CCDC192: variants seen among roughly 807,000 people sequenced by gnomAD.
The protein encoded by CCDC192 is coiled-coil domain containing 192.
chr5:127,746,804 C>T (rs911204160), intron 2 of CCDC192, among the ~76,000 whole-genome samples: 2 of 152,000 alleles, frequency 1.3e-5, no homozygotes, highest in Non-Finnish European at 2.9e-5. Context: ...CTGTTGGTGA[C>T]GTAGCAATAT....
chr5:127,871,102 A>G (rs2127126372), intron 5 of CCDC192, among the ~76,000 whole-genome samples: 1 of 152,346 alleles, frequency 6.6e-6, no homozygotes. Flanking sequence ...GTGAGGAGCA[A>G]GAGGCAGTGC....
intron 6 of CCDC192, among the ~76,000 whole-genome samples, chr5:127,876,797 A>G (rs1752100259): frequency 6.6e-6 from 1 of 152,250 alleles, no homozygotes; most frequent in Admixed American, 6.5e-5. Flanking sequence ...ACCTGACTAC[A>G]TGGTAAAGCT....
chr5:127,910,598 C>T lies in CCDC192; in HGVS notation c.536-30584C>T, dbSNP rs144115388. On this transcript the variant is annotated intron_variant, in intron 6 of 6. Coordinates refer to ENST00000514853, the MANE Select transcript of CCDC192 (RefSeq NM_001317938.2). ...TCAGAACTGAACAAATATGTAGAAG[C>T]GTAAATAACTGAATGTAGCACAATT... Among the ~76,000 whole-genome samples the T allele has an allele frequency of 7.9e-4, 121 of 152,274 alleles. 1 individual carries two copies. The highest frequency in any genetic ancestry group is 2.9e-3 in the African/African-American group (119 of 41,562).
intron 4 of CCDC192, among the ~76,000 whole-genome samples, chr5:127,797,753 A>ATG (rs1182505135): frequency 8.1e-5 from 2 of 24,584 alleles, no homozygotes; most frequent in South Asian, 4.2e-3. Flanking sequence ...ATATATATAT[A>ATG]TATATATATA....
chr5:127,851,945 G>A (rs779294516), intron 5 of CCDC192, among the ~76,000 whole-genome samples: 1 of 152,184 alleles, frequency 6.6e-6, no homozygotes, highest in Non-Finnish European at 1.5e-5. Flanking sequence ...GGTTGTAGGT[G>A]TTCTGTGATA....
intron 2 of CCDC192, among the ~76,000 whole-genome samples, chr5:127,721,406 T>G (rs926390584): frequency 6.6e-6 from 1 of 152,194 alleles, no homozygotes; most frequent in African/African-American, 2.4e-5. Flanking sequence ...CTTACTCCAG[T>G]TCTCAATAAG....
At chr5:127,860,004 G>A (rs531780422) in intron 5 of CCDC192, among the ~76,000 whole-genome samples, 5 of 151,896 alleles carry the variant, frequency 3.3e-5, no homozygotes, top group African/African-American at 1.2e-4. Flanking sequence ...CTTCCTCCTT[G>A]TACCCCTTTC....
chr5:127,728,211 A>G lies in CCDC192; in HGVS notation c.114+20451A>G, dbSNP rs555100703. Among the ~76,000 whole-genome samples the G allele has an allele frequency of 3.3e-5, 5 of 152,284 alleles. No individual in the cohort carries two copies. In the East Asian group the frequency reaches 9.6e-4, roughly 29 times the overall value. On this transcript the variant is annotated intron_variant, in intron 2 of 6. Coordinates refer to ENST00000514853, the MANE Select transcript of CCDC192 (RefSeq NM_001317938.2). ...CCAGAGAACCCCAATAAGATACTCC[A>G]TGAAAAGGTCAACCCCAAGACACAT...
intron 3 of CCDC192, among the ~76,000 whole-genome samples, chr5:127,782,062 T>C (rs891321746): frequency 5.9e-5 from 9 of 152,246 alleles, no homozygotes; most frequent in Non-Finnish European, 1.2e-4. Flanking sequence ...AAATGGTTTT[T>C]ATGCATTTAT....
chr5:127,911,074 T>C (rs1396454229), intron 6 of CCDC192, among the ~76,000 whole-genome samples: 1 of 152,242 alleles, frequency 6.6e-6, no homozygotes, highest in African/African-American at 2.4e-5. Flanking sequence ...TATTAATAGC[T>C]ACCTAAAATG....
intron 3 of CCDC192, chr5:127,786,714 TC>T: frequency 1.4e-6 from 1 of 729,564 alleles, no homozygotes; most frequent in Non-Finnish European, 2.5e-6. Flanking sequence ...TACACTCTTG[TC>T]CATCAAATCT....
intron 5 of CCDC192, among the ~76,000 whole-genome samples, chr5:127,850,881 G>T (rs561255083): frequency 1.3e-5 from 2 of 152,304 alleles, no homozygotes; most frequent in South Asian, 2.1e-4. Context: ...CAGAAGAATC[G>T]CTTGAACCCG....
chr5:127,862,736 C>G (rs138555380), intron 5 of CCDC192, among the ~76,000 whole-genome samples: 1 of 152,086 alleles, frequency 6.6e-6, no homozygotes, highest in African/African-American at 2.4e-5. Context: ...TTTCTAACAG[C>G]CCCTGAATAT....
At chr5:127,879,225 G>T (rs1388268319) in intron 6 of CCDC192, among the ~76,000 whole-genome samples, 1 of 151,582 alleles carries the variant, frequency 6.6e-6, no homozygotes, top group Non-Finnish European at 1.5e-5. Flanking sequence ...CATGGTACTG[G>T]TACCAAAACA....
intron 2 of CCDC192, among the ~76,000 whole-genome samples, chr5:127,729,032 G>A (rs1006966861): frequency 1.3e-5 from 2 of 151,888 alleles, no homozygotes; most frequent in African/African-American, 4.8e-5. Context: ...TTAGCCTCCC[G>A]AGTAGCTGGG....
intron 6 of CCDC192, among the ~76,000 whole-genome samples, chr5:127,889,972 T>C (rs1313562867): frequency 6.6e-6 from 1 of 152,202 alleles, no homozygotes; most frequent in Admixed American, 6.5e-5. Context: ...GATGGATGTT[T>C]GCTTCCATCT....
At chr5:127,859,760 T>A (rs1328880996) in intron 5 of CCDC192, among the ~76,000 whole-genome samples, 1 of 152,224 alleles carries the variant, frequency 6.6e-6, no homozygotes, top group East Asian at 1.9e-4. Context: ...TTTCATCTCT[T>A]CATTTCTGTG....
intron 6 of CCDC192, among the ~76,000 whole-genome samples, chr5:127,883,107 T>A (rs1182040452): frequency 3.3e-5 from 5 of 152,232 alleles, no homozygotes; most frequent in African/African-American, 1.2e-4. Context: ...TGATATGTAG[T>A]CAAAAGCACA....
intron 3 of CCDC192, among the ~76,000 whole-genome samples, chr5:127,779,021 A>G (rs1192498382): frequency 2.0e-5 from 3 of 152,148 alleles, no homozygotes; most frequent in South Asian, 2.1e-4. Context: ...TCTTAGCAAC[A>G]TAGCTAAATA....
Sources: allele counts gnomAD v4.1 joint callset (sites outside exome capture counted in the v4.1 genomes callset), GRCh38; gene constraint gnomAD v4.1.1; transcripts MANE v1.5; gene names NCBI Gene and HGNC (gene_info 2026-07-23, HGNC 2026-07-21).